The following PRKN variants were observed in gnomAD, a reference collection of about 807,000 sequenced individuals.
The protein encoded by PRKN is parkin RBR E3 ubiquitin protein ligase.
A neutral mutation model predicts 59.5 loss-of-function variants in PRKN; 56 were observed. That is an observed-to-expected ratio of 0.94 (90% CI 0.76 to 1.18). PRKN has a LOEUF of 1.18. Among genes scored for constraint, PRKN ranks in the 50% most tolerant of loss-of-function variants. PRKN has a pLI of 0.00. For synonymous variants in PRKN, 250 were observed against 222.1 expected (o/e 1.13, Z -1.12); for missense variants, 657 against 596.4 (o/e 1.10, Z -1.06).
At chr6:161,990,608 A>G (rs931307992) in intron 5 of PRKN, among the ~76,000 whole-genome samples, 1 of 152,234 alleles carries the variant, frequency 6.6e-6, no homozygotes. Flanking sequence ...CAATGAATGA[A>G]ATAAAAATAC....
At chr6:162,098,473 G>A (rs1307724179) in intron 4 of PRKN, among the ~76,000 whole-genome samples, 2 of 152,260 alleles carry the variant, frequency 1.3e-5, no homozygotes, top group African/African-American at 2.4e-5. Flanking sequence ...TTGGAGCCCA[G>A]GAAAAGTCTA....
chr6:162,199,184 A>T (rs533339393), intron 4 of PRKN, among the ~76,000 whole-genome samples: 1 of 151,590 alleles, frequency 6.6e-6, no homozygotes, highest in East Asian at 1.9e-4. Context: ...ACATATGAGT[A>T]TGTGACATCT....
At chr6:162,691,650 CT>C (rs1777779160) in intron 1 of PRKN, among the ~76,000 whole-genome samples, 1 of 152,120 alleles carries the variant, frequency 6.6e-6, no homozygotes, top group East Asian at 1.9e-4. Flanking sequence ...AAAAAATTAA[CT>C]TTCGGTGAAA....
intron 9 of PRKN, among the ~76,000 whole-genome samples, chr6:161,521,140 G>A (rs1223781325): frequency 6.6e-6 from 1 of 152,170 alleles, no homozygotes; most frequent in Non-Finnish European, 1.5e-5. Context: ...ATTAGACAGT[G>A]TCAGAGTTGG....
At chr6:162,634,639 T>C (rs1777639910) in intron 1 of PRKN, among the ~76,000 whole-genome samples, 1 of 152,180 alleles carries the variant, frequency 6.6e-6, no homozygotes, top group African/African-American at 2.4e-5. Flanking sequence ...GCTGTTATTG[T>C]TTTTAAGACG....
Position 162,071,727 on chromosome 6 carries a change from C to T in PRKN, c.535-17553G>A, listed in dbSNP as rs550321709. ...TTCTTGTGCCACAGCCTCCGAGTAGCTGGGATTACAGGCACATGGCACCAC... is the reference window on the plus strand; with the variant it reads ...TTCTTGTGCCACAGCCTCCGAGTAGTTGGGATTACAGGCACATGGCACCAC... On this transcript the variant is annotated intron_variant, in intron 4 of 11. Coordinates refer to ENST00000366898, the MANE Select transcript of PRKN (RefSeq NM_004562.3). 4.6e-5 allele frequency among the ~76,000 whole-genome samples: 7 copies of T among 151,912 alleles called. No homozygotes were observed. In the South Asian group the frequency reaches 8.3e-4, roughly 18 times the overall value.
chr6:161,959,550 A>C (rs1780304397), intron 6 of PRKN, among the ~76,000 whole-genome samples: 1 of 152,198 alleles, frequency 6.6e-6, no homozygotes, highest in South Asian at 2.1e-4. Context: ...AATTTCTTCC[A>C]AAACTACTTC....
At chr6:162,187,606 G>A (rs1784085233) in intron 4 of PRKN, among the ~76,000 whole-genome samples, 1 of 152,106 alleles carries the variant, frequency 6.6e-6, no homozygotes, top group Admixed American at 6.6e-5. Context: ...TATTTGTTTA[G>A]TTGGTTGTTT....
At chr6:162,535,087 G>C (rs1021212794) in intron 1 of PRKN, among the ~76,000 whole-genome samples, 1 of 150,898 alleles carries the variant, frequency 6.6e-6, no homozygotes, top group Non-Finnish European at 1.5e-5. Flanking sequence ...CTTAACAGGT[G>C]CTGGCTAAAG....
Position 161,973,323 on chromosome 6 carries a change from C to T in PRKN, c.713G>A (p.Cys238Tyr). 6.2e-7 allele frequency: 1 copy of T among 1,612,300 alleles called. No individual in the cohort carries two copies. The highest frequency in any genetic ancestry group is 8.5e-7 in the Non-Finnish European group (1 of 1,178,370). Residue 238 changes from cysteine to tyrosine, a missense_variant, in exon 6 of 12, where the codon TGC becomes TAC. By Grantham distance (194) the Cys-to-Tyr change is radical. Coordinates refer to ENST00000366898, the MANE Select transcript of PRKN (RefSeq NM_004562.3). The part of the protein sequence containing the change: ...LIATNSRNIT[C>Y]ITCTDVRSPV... ...TTACCTGACGTCTGTGCACGTAATG[C>T]AAGTGATGTTCCGACTATTTGTTGC...
At position 162,674,292 on chromosome 6, in the gene PRKN, A is replaced by G. The variant is rs113904715; in HGVS notation, c.7+53370T>C. On this transcript the variant is annotated intron_variant, in intron 1 of 11. Coordinates refer to ENST00000366898, the MANE Select transcript of PRKN (RefSeq NM_004562.3). The stretch of plus-strand genomic sequence containing the variant: ...AATGGAAGAACAGAAATACCAACAT[A>G]TAACAGTGACTCAGGTGACATGCAT... Among the ~76,000 whole-genome samples the G allele has an allele frequency of 5.7e-3, 870 of 152,310 alleles. 8 individuals carry two copies. Among genetic ancestry groups the G allele is most frequent in the African/African-American group, 0.017 (726 of 41,564 alleles).
rs182567488 is a variant in PRKN, at chr6:162,442,285, G to A, written c.171+1025C>T. ...ACGGACTTTGTGTACTCTGACCCAG[G>A]AGCCCCCCTGCGCGGAGCAGTGATA... is the stretch of plus-strand genomic sequence containing the variant. On this transcript the variant is annotated intron_variant, in intron 2 of 11. Coordinates refer to ENST00000366898, the MANE Select transcript of PRKN (RefSeq NM_004562.3). 2.0e-5 allele frequency among the ~76,000 whole-genome samples: 3 copies of A among 152,268 alleles called. No individual in the cohort carries two copies. The East Asian group carries it at 5.8e-4, about 29-fold the overall frequency.
chr6:161,378,365 C>A lies in PRKN; in HGVS notation c.1167+8429G>T, dbSNP rs972323471. On this transcript the variant is annotated intron_variant, in intron 10 of 11. Transcript: ENST00000366898. This position sits in a 1 kb window ranked among gnomAD's most constrained non-coding sequence, Gnocchi z 7.3. ...TGCCAGGCCCCCCAGCTCGGGCATCCCCCCATCTGCCACACCGCCAACATT... is the reference window on the plus strand; with the variant it reads ...TGCCAGGCCCCCCAGCTCGGGCATCACCCCATCTGCCACACCGCCAACATT... Among the ~76,000 whole-genome samples, 7 of 152,120 alleles carry A rather than the reference C, an allele frequency of 4.6e-5. No individual in the cohort carries two copies. The highest frequency in any genetic ancestry group is 1.7e-4 in the African/African-American group (7 of 41,412).
chr6:162,233,571 A>G (rs1201260125), intron 3 of PRKN, among the ~76,000 whole-genome samples: 1 of 152,238 alleles, frequency 6.6e-6, no homozygotes, highest in African/African-American at 2.4e-5. Flanking sequence ...TTTTATAGAC[A>G]AAGATGGTCA....
intron 7 of PRKN, among the ~76,000 whole-genome samples, chr6:161,663,664 T>C (rs1408041806): frequency 6.6e-6 from 1 of 152,230 alleles, no homozygotes; most frequent in African/African-American, 2.4e-5. Flanking sequence ...GTCAGGTTAA[T>C]GTATTTAACA....
rs1777879201 is a variant in PRKN, at chr6:161,499,539, C to A, written c.1083+49315G>T. Reference sequence around the variant, plus strand: ...GTGGGACCTCTCTTCTAGCCTCTTGCATCTACCTCTATGGTTTGACTTCTG... The same window carrying A: ...GTGGGACCTCTCTTCTAGCCTCTTGAATCTACCTCTATGGTTTGACTTCTG... On this transcript the variant is annotated intron_variant, in intron 9 of 11. Coordinates refer to ENST00000366898, the MANE Select transcript of PRKN (RefSeq NM_004562.3). The surrounding 1 kb of genome is among the most constrained non-coding windows in gnomAD (Gnocchi z 4.2). 6.6e-6 allele frequency among the ~76,000 whole-genome samples: 1 copy of A among 152,168 alleles called. No homozygotes were observed. Among genetic ancestry groups the A allele is most frequent in the African/African-American group, 2.4e-5 (1 of 41,448 alleles).
intron 2 of PRKN, among the ~76,000 whole-genome samples, chr6:162,287,532 C>T (rs1025319812): frequency 2.9e-4 from 44 of 152,118 alleles, no homozygotes; most frequent in African/African-American, 1.0e-3. Flanking sequence ...CATGCCACTG[C>T]ACTCCAGCCC....
At chr6:161,517,225 G>A (rs1178611398) in intron 9 of PRKN, among the ~76,000 whole-genome samples, 1 of 152,084 alleles carries the variant, frequency 6.6e-6, no homozygotes, top group Non-Finnish European at 1.5e-5. Flanking sequence ...GTTTGGCTGG[G>A]GCAGGGTTCC....
intron 7 of PRKN, among the ~76,000 whole-genome samples, chr6:161,713,595 C>G (rs1016529606): frequency 6.6e-6 from 1 of 152,166 alleles, no homozygotes; most frequent in Non-Finnish European, 1.5e-5. Flanking sequence ...AAATATAGTT[C>G]CTATTACACC....
Sources: gnomAD v4.1 joint callset for allele counts (sites outside exome capture counted in the v4.1 genomes callset) on GRCh38, gnomAD v4.1.1 for gene constraint, Gnocchi (gnomAD v3.1) non-coding constraint, MANE v1.5 for transcripts, NCBI Gene and HGNC (gene_info 2026-07-23, HGNC 2026-07-21) for gene names.